TNPO2: variants seen among roughly 807,000 people sequenced by gnomAD.
TNPO2 encodes transportin 2.
TNPO2 carries 16 observed loss-of-function variants against 111.1 expected under a neutral mutation model. That is an observed-to-expected ratio of 0.14 (90% CI 0.10 to 0.22). TNPO2 has a LOEUF of 0.22. Ranked by LOEUF, TNPO2 falls within the 10% of genes least tolerant of loss-of-function variation. The pLI, the probability that TNPO2 is intolerant of heterozygous loss-of-function variation, is 1.00. For missense variants in TNPO2, 530 were observed against 1,173.7 expected, an observed-to-expected ratio of 0.45 and a Z score of 8.01; for synonymous variants, 481 against 475.8, an observed-to-expected ratio of 1.01 and a Z score of -0.14.
chr19:12,709,039 CAAAA>C (rs545741335), intron 13 of TNPO2, among the ~76,000 whole-genome samples: 1 of 126,204 alleles, frequency 7.9e-6, no homozygotes, highest in Non-Finnish European at 1.7e-5. Context: ...GACTCCATCT[CAAAA>C]AAAAAAGAAA....
chr19:12,703,642 C>T, intron 19 of TNPO2, 72 bp downstream of exon 19: 2 of 1,580,402 alleles, frequency 1.3e-6, no homozygotes, highest in Non-Finnish European at 1.7e-6. Flanking sequence ...TCACAGTCAT[C>T]CCCGGGTATT....
chr19:12,711,447 C>T lies in TNPO2; in HGVS notation c.966G>A (p.Glu322=), dbSNP rs771468550. ...DIILLKGDVE[E]DEAVPDSEQD... ...GCTCACTGTCGGGGACAGCCTCATC[C>T]TCCTCCACATCCCCCTGGGGGACAG... is the stretch of plus-strand genomic sequence containing the variant. Residue 322 remains glutamate (E), a synonymous_variant, in exon 12 of 26, where the codon GAG becomes GAA. Transcript: ENST00000425528. 5.0e-6 allele frequency: 8 copies of T among 1,614,008 alleles called. No homozygotes were observed. The highest frequency in any genetic ancestry group is 1.6e-4 in the Middle Eastern group (1 of 6,062).
rs530552930 is a variant in TNPO2 at position 12,721,279 on chromosome 19, C to T, written c.-13-289G>A. 272 of 1,296,188 alleles carry T rather than the reference C, an allele frequency of 2.1e-4. No individual in the cohort carries two copies. The highest frequency in any genetic ancestry group is 2.6e-4 in the Non-Finnish European group (259 of 1,012,964). 80.3% of individuals were successfully genotyped at this position (1,296,188 alleles called of 1,614,324 possible). A position where few individuals can be genotyped will look rare whatever the true frequency, so the allele number is the denominator to read the frequency against. ...GGGACCCAGCGAAGAGCCCTCGTCC[C>T]AGGGTGGCCCATGCCGCTGACCCCG... On this transcript the variant is annotated intron_variant, in intron 2 of 25. Coordinates refer to ENST00000425528, the MANE Select transcript of TNPO2 (RefSeq NM_001382241.1). The surrounding 1 kb of genome is among the most constrained non-coding windows in gnomAD (Gnocchi z 4.9).
In TNPO2 at chr19:12,710,661, G is replaced by C; in HGVS notation, c.1230C>G (p.Val410=). ...KGLLFHPEWV[V]KESGILVLGA... is the part of the protein sequence containing the mutation. ...CCAGCACCAGGATGCCCGACTCCTT[G>C]ACCACCCACTCGGGGTGGAAGAGGA... Residue 410 remains valine (V), a synonymous_variant, in exon 13 of 26, where the codon GTC becomes GTG. Coordinates refer to ENST00000425528, the MANE Select transcript of TNPO2 (RefSeq NM_001382241.1). The C allele has an allele frequency of 6.2e-7, 1 of 1,613,618 alleles. No homozygotes were observed. The highest frequency in any genetic ancestry group is 8.5e-7 in the Non-Finnish European group (1 of 1,179,742).
chr19:12,716,745 G>A (rs1221297942), intron 5 of TNPO2, among the ~76,000 whole-genome samples: 2 of 152,162 alleles, frequency 1.3e-5, no homozygotes, highest in Non-Finnish European at 2.9e-5. Flanking sequence ...TTTAAATTGG[G>A]TGGCCAGAGC....
chr19:12,701,844 A>C lies in TNPO2; in HGVS notation c.2419T>G (p.Ser807Ala). Residue 807 changes from serine to alanine, a missense_variant, in exon 23 of 26, where the codon TCC becomes GCC. By Grantham distance (99) the Ser-to-Ala change is moderately conservative. Transcript: ENST00000425528. The surrounding 1 kb of genome is among the most constrained non-coding windows in gnomAD (Gnocchi z 5.0). ...TCGTTGTCCCTGATGTTCCTGAGGG[A>C]CGTGCACCTGTGGGAAGGTGAGCAG... ...LQQFIRPWCT[S>A]LRNIRDNEEK... 1 of 1,613,108 alleles carries C rather than the reference A, an allele frequency of 6.2e-7. No homozygotes were observed. Among genetic ancestry groups the C allele is most frequent in the East Asian group, 2.2e-5 (1 of 44,858 alleles).
intron 5 of TNPO2, among the ~76,000 whole-genome samples, chr19:12,718,253 A>G (rs1444542099): frequency 7.2e-6 from 1 of 138,542 alleles, no homozygotes; most frequent in South Asian, 2.4e-4. Flanking sequence ...GTAACCTCCA[A>G]CTCCTGGGTT....
rs550345841 is a variant in TNPO2 at position 12,722,758 on chromosome 19, C to A, written c.-14+491G>T. Among the ~76,000 whole-genome samples, 22 of 152,122 alleles carry A rather than the reference C, an allele frequency of 1.4e-4. 1 individual carries two copies. The South Asian group carries it at 2.5e-3, about 17-fold the overall frequency. On this transcript the variant is annotated intron_variant, in intron 2 of 25. Transcript: ENST00000425528. ...GTCCGGTCACGTGACCAAAGAGTTGCCGTTTCTTTGGCCTCTCTAGCCAGC... is the reference window on the plus strand; with the variant it reads ...GTCCGGTCACGTGACCAAAGAGTTGACGTTTCTTTGGCCTCTCTAGCCAGC...
intron 5 of TNPO2, among the ~76,000 whole-genome samples, chr19:12,716,550 T>C (rs184360923): frequency 1.1e-4 from 16 of 152,018 alleles, no homozygotes; most frequent in Admixed American, 1.0e-3. Flanking sequence ...CACTTGAACC[T>C]GGGAGGCAGA....
At chr19:12,711,661 G>T in intron 10 of TNPO2, 48 bp from the exon 11 acceptor site, 1 of 1,568,838 alleles carries the variant, frequency 6.4e-7, no homozygotes, top group Non-Finnish European at 8.7e-7. Flanking sequence ...CGTGGCAAAA[G>T]TTGGGGGGAG....
In TNPO2 at chr19:12,702,956, G is replaced by A. The variant is rs370187054; in HGVS notation, c.2210-38C>T. On this transcript the variant is annotated intron_variant, in intron 20 of 25. Transcript: ENST00000425528. The surrounding 1 kb of genome is among the most constrained non-coding windows in gnomAD (Gnocchi z 5.5). ...CCAGTCAGAGCCCTGCACAGCCCCC[G>A]CCACCCACAGGGGCCAGGGGGCCGC... 6.9e-6 allele frequency: 11 copies of A among 1,588,976 alleles called. No individual in the cohort carries two copies. The highest frequency in any genetic ancestry group is 2.2e-5 in the East Asian group (1 of 44,682).
At position 12,721,199 on chromosome 19, in the gene TNPO2, G is replaced by A. The variant is rs1444397692; in HGVS notation, c.-13-209C>T. On this transcript the variant is annotated intron_variant, in intron 2 of 25. Transcript: ENST00000425528. This position sits in a 1 kb window ranked among gnomAD's most constrained non-coding sequence, Gnocchi z 4.9. ...AGTCGCGGGCTCGGGAGCGCGGGAG[G>A]GGGGATGTGGAAACGGGCCACAGGC... is the stretch of plus-strand genomic sequence containing the variant. The A allele has an allele frequency of 4.4e-6, 6 of 1,377,872 alleles. No individual in the cohort carries two copies. The highest frequency in any genetic ancestry group is 4.7e-6 in the Non-Finnish European group (5 of 1,072,288). The allele number at this position is 1,377,872 out of a possible 1,614,324, so 85.4% of individuals were successfully genotyped here.
intron 13 of TNPO2, among the ~76,000 whole-genome samples, chr19:12,708,849 C>T (rs975196938): frequency 7.3e-5 from 11 of 151,360 alleles, no homozygotes; most frequent in Admixed American, 6.6e-5. Flanking sequence ...CCAGCCTGGA[C>T]AGTAAGAGCA....
In TNPO2 at chr19:12,706,560, C is replaced by A. The variant is rs749577524; in HGVS notation, c.1496+10G>T. 1.2e-6 allele frequency: 2 copies of A among 1,613,716 alleles called. No individual in the cohort carries two copies. Among genetic ancestry groups the A allele is most frequent in the Non-Finnish European group, 1.7e-6 (2 of 1,179,814 alleles). On this transcript the variant is annotated intron_variant, in intron 14 of 25. Transcript: ENST00000425528. This position sits in a 1 kb window ranked among gnomAD's most constrained non-coding sequence, Gnocchi z 7.0. ...GAGTGGGGGCTGTGGGATCAGGGGTCCAGGGTCACCTGCAGGCCGCCTCCT... is the reference window on the plus strand; with the variant it reads ...GAGTGGGGGCTGTGGGATCAGGGGTACAGGGTCACCTGCAGGCCGCCTCCT...
At position 12,705,294 on chromosome 19, in the gene TNPO2, C is replaced by T. The variant is rs1374074589; in HGVS notation, c.1968G>A (p.Val656=). The T allele has an allele frequency of 6.2e-7, 1 of 1,603,162 alleles. No individual in the cohort carries two copies. Among genetic ancestry groups the T allele is most frequent in the East Asian group, 2.3e-5 (1 of 44,370 alleles). ...TGTTGCTGCGGGCCACCAGCTGCTC[C>T]ACGTGACCACCCAGGCCCTCGGCCA... The part of the protein sequence containing the change: ...SGLAEGLGGH[V]EQLVARSNIM... The change falls in exon 18 of 26, where the codon GTG becomes GTA. Residue 656 remains valine (V), a synonymous_variant. Transcript: ENST00000425528. The surrounding 1 kb of genome is among the most constrained non-coding windows in gnomAD (Gnocchi z 7.2).
At chr19:12,703,567 C>T (rs2025455101) in intron 19 of TNPO2, 41 bp from the exon 20 acceptor site, 3 of 1,604,668 alleles carry the variant, frequency 1.9e-6, no homozygotes, top group Non-Finnish European at 2.6e-6. Flanking sequence ...GAGGGCCAGC[C>T]AGGGTAAGCT....
intron 20 of TNPO2, chr19:12,703,177 A>G: frequency 3.4e-6 from 2 of 587,452 alleles, no homozygotes; most frequent in Non-Finnish European, 6.0e-6. Flanking sequence ...CAAAGGAAAA[A>G]AAAAGCCAAA....
At chr19:12,710,820 AG>A in intron 12 of TNPO2, 47 bp from the exon 13 acceptor site, 1 of 1,554,682 alleles carries the variant, frequency 6.4e-7, no homozygotes, top group South Asian at 1.2e-5. Context: ...CCCCTCAGGC[AG>A]GTGGCCGACC....
intron 18 of TNPO2, 120 bp from the exon 19 acceptor site, chr19:12,703,921 G>T: frequency 1.1e-6 from 1 of 887,660 alleles, no homozygotes; most frequent in Non-Finnish European, 1.7e-6. Context: ...AGAGCTCCTA[G>T]CTGTTCCTTA....
Sources: allele counts gnomAD v4.1 joint callset (sites outside exome capture counted in the v4.1 genomes callset), GRCh38; gene constraint gnomAD v4.1.1; non-coding constraint Gnocchi (gnomAD v3.1); transcripts MANE v1.5; gene names NCBI Gene and HGNC (gene_info 2026-07-23, HGNC 2026-07-21).